Variants in PCGF6 observed in about 807,000 individuals in gnomAD.
PCGF6 encodes the protein polycomb group RING finger protein 6.
Under a neutral mutation model 45.5 loss-of-function variants are expected in PCGF6, and 24 were observed. That is an observed-to-expected ratio of 0.53 (90% CI 0.38 to 0.74). The LOEUF (loss-of-function observed/expected upper bound fraction) is 0.74. Ranked by LOEUF, PCGF6 falls within the 30% of genes least tolerant of loss-of-function variation. The pLI, the probability that PCGF6 is intolerant of heterozygous loss-of-function variation, is 0.00. For missense variants in PCGF6, 356 were observed against 443.2 expected, an observed-to-expected ratio of 0.80 and a Z score of 1.77; for synonymous variants, 152 against 162.1, an observed-to-expected ratio of 0.94 and a Z score of 0.47.
At chr10:103,336,417 T>C (rs2093257571) in intron 6 of PCGF6, among the ~76,000 whole-genome samples, 1 of 152,022 alleles carries the variant, frequency 6.6e-6, no homozygotes, top group African/African-American at 2.4e-5. Flanking sequence ...ATAAATAGAA[T>C]GTTAAATTAT....
chr10:103,336,418 GTTAAA>G (rs952322542), intron 6 of PCGF6, among the ~76,000 whole-genome samples: 7 of 151,744 alleles, frequency 4.6e-5, no homozygotes, highest in Non-Finnish European at 1.0e-4. Context: ...TAAATAGAAT[GTTAAA>G]TTATATTATC....
chr10:103,350,558 G>C (rs1023436524), intron 1 of PCGF6, 149 bp downstream of exon 1: 49 of 725,440 alleles, frequency 6.8e-5, no homozygotes, highest in Non-Finnish European at 9.0e-5. Context: ...CACACGCCTA[G>C]GCAGCCGGGG....
chr10:103,337,622 TAA>T (rs2093262033), intron 6 of PCGF6, among the ~76,000 whole-genome samples: 1 of 152,154 alleles, frequency 6.6e-6, no homozygotes, highest in African/African-American at 2.4e-5. Context: ...ACAAAAAGGA[TAA>T]GAGTCTATCT....
chr10:103,326,308 G>A (rs1313434571), intron 8 of PCGF6, among the ~76,000 whole-genome samples: 1 of 147,630 alleles, frequency 6.8e-6, no homozygotes, highest in Non-Finnish European at 1.5e-5. Flanking sequence ...AGAATGGCGT[G>A]AACCCGGGAG....
Position 103,314,255 on chromosome 10 carries a change from A to G in PCGF6, c.927T>C (p.Gly309=). Residue 309 remains glycine, a synonymous_variant, in exon 9 of 10, where the codon GGT becomes GGC. Transcript: ENST00000369847. ...DPACQVDIIC[G]DHLLEQYQTL... Reference sequence around the variant, plus strand: ...TTTGATACTGCTCCAACAGGTGATCACCACAGATTATATCTACCTATGGAC... The same window carrying G: ...TTTGATACTGCTCCAACAGGTGATCGCCACAGATTATATCTACCTATGGAC... 3 of 1,593,286 alleles carry G rather than the reference A, an allele frequency of 1.9e-6. No homozygotes were observed. Among genetic ancestry groups the G allele is most frequent in the Non-Finnish European group, 2.6e-6 (3 of 1,164,210 alleles).
chr10:103,335,107 G>A (rs1346301834), intron 6 of PCGF6, among the ~76,000 whole-genome samples: 3 of 151,976 alleles, frequency 2.0e-5, no homozygotes, highest in South Asian at 4.2e-4. Flanking sequence ...ACCCAGGCAG[G>A]AGTGTAGTGG....
At chr10:103,342,548 T>C (rs954055632) in intron 6 of PCGF6, among the ~76,000 whole-genome samples, 3 of 152,142 alleles carry the variant, frequency 2.0e-5, no homozygotes, top group African/African-American at 4.8e-5. Flanking sequence ...TTTTCTTATA[T>C]GGCCTTTCAG....
At chr10:103,339,496 A>G (rs964806389) in intron 6 of PCGF6, among the ~76,000 whole-genome samples, 2 of 151,592 alleles carry the variant, frequency 1.3e-5, no homozygotes, top group African/African-American at 2.4e-5. Context: ...GGACCTTAAT[A>G]TATACCTTAT....
chr10:103,305,238 G>A (rs958111946), intron 9 of PCGF6, among the ~76,000 whole-genome samples: 2 of 151,426 alleles, frequency 1.3e-5, no homozygotes, highest in Non-Finnish European at 2.9e-5. Context: ...GCTTCCCAAA[G>A]TGTGGGATTA....
chr10:103,348,621 T>C (rs867298808), intron 3 of PCGF6, 95 bp downstream of exon 3: 2 of 963,616 alleles, frequency 2.1e-6, no homozygotes, highest in Middle Eastern at 3.3e-4. Context: ...ACTGAACCCA[T>C]CCTGAGAGGT....
chr10:103,316,517 C>T (rs986847134), intron 8 of PCGF6, among the ~76,000 whole-genome samples: 5 of 152,092 alleles, frequency 3.3e-5, no homozygotes, highest in African/African-American at 4.8e-5. Flanking sequence ...GAAGTAAAGA[C>T]ATTAAACTTT....
At chr10:103,309,884 C>T (rs1026208772) in intron 9 of PCGF6, among the ~76,000 whole-genome samples, 1 of 151,758 alleles carries the variant, frequency 6.6e-6, no homozygotes, top group Non-Finnish European at 1.5e-5. Context: ...TGAGGCTACA[C>T]TGAGCCATGA....
intron 5 of PCGF6, 76 bp from the exon 6 acceptor site, chr10:103,345,208 G>T (rs2093294965): frequency 1.0e-6 from 1 of 1,002,514 alleles, no homozygotes; most frequent in Non-Finnish European, 1.5e-6. Flanking sequence ...AAATACACAA[G>T]TATTATAATT....
chr10:103,321,513 A>G (rs1169514609), intron 8 of PCGF6, among the ~76,000 whole-genome samples: 1 of 152,108 alleles, frequency 6.6e-6, no homozygotes, highest in African/African-American at 2.4e-5. Flanking sequence ...GGAGATCGAG[A>G]TCATCCTGGC....
chr10:103,339,791 C>T (rs1184585395), intron 6 of PCGF6, among the ~76,000 whole-genome samples: 1 of 119,210 alleles, frequency 8.4e-6, no homozygotes, highest in East Asian at 2.7e-4. Flanking sequence ...AAGCGAAATT[C>T]TGTCTGTCTC....
rs2093166391 is a variant in PCGF6, at chr10:103,314,034, C to G, written c.996+152G>C. 4 of 369,302 alleles carry G rather than the reference C, an allele frequency of 1.1e-5. No homozygotes were observed. The South Asian group carries it at 4.5e-4, about 42-fold the overall frequency. 22.9% of individuals were successfully genotyped at this position (369,302 alleles called of 1,614,324 possible). On this transcript the variant is annotated intron_variant, in intron 9 of 9. Coordinates refer to ENST00000369847, the MANE Select transcript of PCGF6 (RefSeq NM_001011663.2). ...ATTACTTAGAACAGTACCTGACACA[C>G]AGCAAGAATTTGATAAATATTAAAT...
intron 9 of PCGF6, chr10:103,312,561 C>T (rs184752043): frequency 1.3e-5 from 2 of 153,268 alleles, no homozygotes; most frequent in African/African-American, 4.8e-5. Context: ...ACAGCAGAAG[C>T]CCTTTTTTCC....
Position 103,350,907 on chromosome 10 carries a change from G to C in PCGF6, c.160C>G (p.Pro54Ala). Residue 54 changes from proline to alanine, a missense_variant, in exon 1 of 10, where the codon CCC becomes GCC. By Grantham distance (27) the Pro-to-Ala change is conservative. This residue lies in a region of PCGF6 where 307 missense variants were observed against 350.1 expected (regional missense o/e 0.88). Coordinates refer to ENST00000369847, the MANE Select transcript of PCGF6 (RefSeq NM_001011663.2). The stretch of plus-strand genomic sequence containing the variant: ...GGGGGCCGGGAGCCGGAGCAGCCGG[G>C]AGCCCCCGTCTCAGACAGAGGCGCC... ...GPAPLSETGAPGCSGSRPPEL... is the reference protein window; with the variant it reads ...GPAPLSETGAAGCSGSRPPEL... 1.3e-6 allele frequency: 2 copies of C among 1,525,226 alleles called. No homozygotes were observed. Among genetic ancestry groups the C allele is most frequent in the Non-Finnish European group, 1.8e-6 (2 of 1,140,074 alleles). 94.5% of individuals were successfully genotyped at this position (1,525,226 alleles called of 1,614,324 possible). A position where few individuals can be genotyped will look rare whatever the true frequency, so the allele number is the denominator to read the frequency against.
chr10:103,312,897 C>CT (rs1564723730), intron 9 of PCGF6, among the ~76,000 whole-genome samples: 1 of 151,798 alleles, frequency 6.6e-6, no homozygotes, highest in Non-Finnish European at 1.5e-5. Context: ...GGAGGCGGAG[C>CT]TTGCAGTGAG....
Sources: gnomAD v4.1 joint callset for allele counts (sites outside exome capture counted in the v4.1 genomes callset) on GRCh38, gnomAD v4.1.1 for gene constraint, gnomAD v4.1.1 regional missense constraint, MANE v1.5 for transcripts, NCBI Gene and HGNC (gene_info 2026-07-23, HGNC 2026-07-21) for gene names.